MFGE8: variants seen among roughly 807,000 people sequenced by gnomAD.
MFGE8 encodes the protein lactadherin.
MFGE8 carries 34 observed loss-of-function variants against 42.6 expected under a neutral mutation model. That is an observed-to-expected ratio of 0.80 (90% CI 0.61 to 1.06). MFGE8 has a LOEUF of 1.06. MFGE8 is among the 50% of genes least tolerant of loss of function. MFGE8 has a pLI of 0.00. For missense variants in MFGE8, 510 were observed against 516.9 expected (o/e 0.99, Z 0.13); for synonymous variants, 230 against 214.8 (o/e 1.07, Z -0.62).
chr15:88,912,254 T>C, intron 1 of MFGE8: 5 of 1,289,422 alleles, frequency 3.9e-6, no homozygotes, highest in Non-Finnish European at 5.1e-6. Context: ...AGAGTTCAGG[T>C]TGGGGGGTAC....
chr15:88,908,644 C>T (rs1378397166), intron 2 of MFGE8, among the ~76,000 whole-genome samples: 1 of 152,166 alleles, frequency 6.6e-6, no homozygotes, highest in African/African-American at 2.4e-5. Flanking sequence ...CCCACTCAGG[C>T]ACACTCACTG....
At position 88,899,576 on chromosome 15, in the gene MFGE8, C is replaced by T. The variant is rs895151988; in HGVS notation, c.1027-44G>A. 6.2e-7 allele frequency: 1 copy of T among 1,614,178 alleles called. No individual in the cohort carries two copies. Among genetic ancestry groups the T allele is most frequent in the Non-Finnish European group, 8.5e-7 (1 of 1,180,022 alleles). ...TCAGGAGGACCCCGAGCCAGCCCCCCTCCCCTCAGAGCCCCAGGCCAGACT... is the reference window on the plus strand; with the variant it reads ...TCAGGAGGACCCCGAGCCAGCCCCCTTCCCCTCAGAGCCCCAGGCCAGACT... On this transcript the variant is annotated intron_variant, in intron 7 of 7. Coordinates refer to ENST00000268150, the MANE Select transcript of MFGE8 (RefSeq NM_005928.4). This position sits in a 1 kb window ranked among gnomAD's most constrained non-coding sequence, Gnocchi z 6.8.
Position 88,905,854 on chromosome 15 carries a change from A to C in MFGE8, c.588T>G (p.Phe196Leu), listed in dbSNP as rs779967643. ...WNKNAVHVNL[F>L]ETPVEAQYVR... ...CGTACTGAGCCTCCACAGGGGTCTC[A>C]AACAGGTTGACATGCACCGCGTTTT... The change falls in exon 5 of 8, where the codon TTT (phenylalanine) becomes TTG (leucine). Residue 196 changes from phenylalanine (F) to leucine (L), a missense_variant. By Grantham distance (22) the Phe-to-Leu change is conservative. Coordinates refer to ENST00000268150, the MANE Select transcript of MFGE8 (RefSeq NM_005928.4). This position sits in a 1 kb window ranked among gnomAD's most constrained non-coding sequence, Gnocchi z 6.6. 1 of 1,614,222 alleles carries C rather than the reference A, an allele frequency of 6.2e-7. No individual in the cohort carries two copies. The highest frequency in any genetic ancestry group is 1.7e-5 in the Admixed American group (1 of 60,030).
rs1396595363 is a variant in MFGE8 at position 88,912,207 on chromosome 15, T to G, written c.73+1040A>C. ...TAAAAACATCTTTGGGACTTCAGAG[T>G]CCTGCTCTTTCGGGGACTTTCCAGT... is the stretch of plus-strand genomic sequence containing the variant. On this transcript the variant is annotated intron_variant, in intron 1 of 7. Coordinates refer to ENST00000268150, the MANE Select transcript of MFGE8 (RefSeq NM_005928.4). 1.3e-5 allele frequency: 17 copies of G among 1,289,590 alleles called. No individual in the cohort carries two copies. In the Admixed American group the frequency reaches 3.9e-4, roughly 30 times the overall value. The allele number at this position is 1,289,590 out of a possible 1,614,324, so 79.9% of individuals were successfully genotyped here. A position where few individuals can be genotyped will look rare whatever the true frequency, so the allele number is the denominator to read the frequency against.
chr15:88,909,852 CATCTCCTCGCACTTCTTGGGAA>C lies in MFGE8; in HGVS notation c.123_144del (p.Ile41MetfsTer46). The C allele has an allele frequency of 6.2e-7, 1 of 1,614,250 alleles. No homozygotes were observed. The highest frequency in any genetic ancestry group is 8.5e-7 in the Non-Finnish European group (1 of 1,180,050). ...CACGTGCAGGTGTACGAGGGGAAGA[CATCTCCTCGCACTTCTTGGGAA>C]ATCTCCTCGCATAAACCACCGTTGT... On this transcript the variant is annotated frameshift_variant, in exon 2 of 8. Coordinates refer to ENST00000268150, the MANE Select transcript of MFGE8 (RefSeq NM_005928.4). LOFTEE classifies it high-confidence loss of function.
intron 6 of MFGE8, 33 bp downstream of exon 6, chr15:88,901,518 C>CCCCCCCCCCCCAA: frequency 4.5e-6 from 4 of 887,666 alleles, no homozygotes; most frequent in East Asian, 3.3e-5. Context: ...TCCCACCCAA[C>CCCCCCCCCCCCAA]CCCAGCCCCA....
intron 1 of MFGE8, among the ~76,000 whole-genome samples, chr15:88,911,710 C>A (rs1436824361): frequency 6.6e-6 from 1 of 150,770 alleles, no homozygotes; most frequent in African/African-American, 2.4e-5. Flanking sequence ...CTGGGCGACA[C>A]AGCAAGATTC....
Position 88,906,273 on chromosome 15 carries a change from A to G in MFGE8, c.540+353T>C, listed in dbSNP as rs1898671167. On this transcript the variant is annotated intron_variant, in intron 4 of 7. Coordinates refer to ENST00000268150, the MANE Select transcript of MFGE8 (RefSeq NM_005928.4). The surrounding 1 kb of genome is among the most constrained non-coding windows in gnomAD (Gnocchi z 4.2). ...CAAATGTACAATGCCTGTACTGTGAATGGTGCCTGCTTAGCAATGACATCC... is the reference window on the plus strand; with the variant it reads ...CAAATGTACAATGCCTGTACTGTGAGTGGTGCCTGCTTAGCAATGACATCC... The G allele has an allele frequency of 4.4e-6, 2 of 450,108 alleles. No individual in the cohort carries two copies. Among genetic ancestry groups the G allele is most frequent in the Non-Finnish European group, 8.2e-6 (2 of 242,750 alleles). The allele number at this position is 450,108 out of a possible 1,614,324, so 27.9% of individuals were successfully genotyped here.
intron 1 of MFGE8, 80 bp downstream of exon 1, chr15:88,913,167 G>A (rs1008817819): frequency 1.7e-5 from 25 of 1,466,092 alleles, no homozygotes; most frequent in Middle Eastern, 2.3e-4. Flanking sequence ...AACAGTGGAG[G>A]TGGAGGGCGG....
At position 88,906,459 on chromosome 15, in the gene MFGE8, T is replaced by G; in HGVS notation, c.540+167A>C. 1 of 751,278 alleles carries G rather than the reference T, an allele frequency of 1.3e-6. No individual in the cohort carries two copies. The highest frequency in any genetic ancestry group is 2.0e-5 in the Admixed American group (1 of 49,398). The allele number at this position is 751,278 out of a possible 1,614,324, so 46.5% of individuals were successfully genotyped here. On this transcript the variant is annotated intron_variant, in intron 4 of 7. Transcript: ENST00000268150. This position sits in a 1 kb window ranked among gnomAD's most constrained non-coding sequence, Gnocchi z 4.2. ...ACTATTGCTTATAAACCACAGAACA[T>G]GGACACAGTCTGGGTTTCCCAATTT...
chr15:88,900,714 C>T, intron 6 of MFGE8: 1 of 985,444 alleles, frequency 1.0e-6, no homozygotes. Flanking sequence ...TCGGCTTCCT[C>T]ATCTATAAAA....
At chr15:88,901,985 A>T in intron 5 of MFGE8, 2 of 507,472 alleles carry the variant, frequency 3.9e-6, no homozygotes, top group East Asian at 7.5e-5. Flanking sequence ...CCCACTCACC[A>T]CCCTTCTCCT....
chr15:88,911,356 C>T (rs373143241), intron 1 of MFGE8, among the ~76,000 whole-genome samples: 1 of 152,282 alleles, frequency 6.6e-6, no homozygotes, highest in African/African-American at 2.4e-5. Flanking sequence ...GTCCTCTAGC[C>T]GACATTAGCA....
intron 6 of MFGE8, among the ~76,000 whole-genome samples, chr15:88,901,309 A>ACG (rs1898412365): frequency 6.6e-6 from 1 of 151,186 alleles, no homozygotes; most frequent in Non-Finnish European, 1.5e-5. Flanking sequence ...ACACACTCAC[A>ACG]CACACACATT....
chr15:88,912,227 T>C (rs1898998195), intron 1 of MFGE8: 1 of 1,289,632 alleles, frequency 7.8e-7, no homozygotes, highest in African/African-American at 1.5e-5. Flanking sequence ...TCGGGGACTT[T>C]CCAGTAACAT....
At chr15:88,901,511 C>CCCCCCACCCCCCCCCCCAAA in intron 6 of MFGE8, 40 bp downstream of exon 6, 1 of 908,664 alleles carries the variant, frequency 1.1e-6, no homozygotes, top group Non-Finnish European at 1.8e-6. Context: ...CACCTCATCC[C>CCCCCCACCCCCCCCCCCAAA]ACCCAACCCC....
chr15:88,913,009 G>C (rs1029347837), intron 1 of MFGE8: 1 of 985,442 alleles, frequency 1.0e-6, no homozygotes, highest in Non-Finnish European at 1.2e-6. Flanking sequence ...CCCTGGGGGC[G>C]GCAGGGCTGT....
At position 88,901,732 on chromosome 15, in the gene MFGE8, C is replaced by T. The variant is rs143176923; in HGVS notation, c.689G>A (p.Cys230Tyr). 3.1e-6 allele frequency: 5 copies of T among 1,613,890 alleles called. No individual in the cohort carries two copies. The highest frequency in any genetic ancestry group is 4.2e-6 in the Non-Finnish European group (5 of 1,180,016). Residue 230 changes from cysteine to tyrosine, a missense_variant, in exon 6 of 8, where the codon TGC (cysteine) becomes TAC (tyrosine). Coordinates refer to ENST00000268150, the MANE Select transcript of MFGE8 (RefSeq NM_005928.4). ...ATTCTTCAGGCCCAGGGGATTGGCG[C>T]ATCCTGCCAGCAAGGTGGGCTGTCA... ...FELLGCELNG[C>Y]ANPLGLKNNS... is the part of the protein sequence containing the mutation.
At chr15:88,910,362 G>A in intron 1 of MFGE8, 1 of 277,070 alleles carries the variant, frequency 3.6e-6, no homozygotes, top group East Asian at 9.0e-5. Flanking sequence ...CCATTGAGCA[G>A]GTTCCGCCCA....
Sources: allele counts gnomAD v4.1 joint callset (sites outside exome capture counted in the v4.1 genomes callset), GRCh38; gene constraint gnomAD v4.1.1; non-coding constraint Gnocchi (gnomAD v3.1); transcripts MANE v1.5; gene names NCBI Gene and HGNC (gene_info 2026-07-23, HGNC 2026-07-21).